SATB1: variants seen among roughly 807,000 people sequenced by gnomAD.
SATB1 encodes DNA-binding protein SATB1.
In SATB1, 11 loss-of-function variants were observed where a neutral mutation model predicts 86.9. The ratio of observed to expected loss-of-function variants is 0.13; its 90% confidence interval spans 0.08 to 0.21. The LOEUF (loss-of-function observed/expected upper bound fraction) is 0.21. Ranked by LOEUF, SATB1 falls within the 10% of genes least tolerant of loss-of-function variation. SATB1 has a pLI of 1.00. For missense variants in SATB1, 551 were observed against 937.6 expected (o/e 0.59, Z 5.39); for synonymous variants, 357 against 357.2 (o/e 1.00, Z 0.01).
intron 9 of SATB1, among the ~76,000 whole-genome samples, chr3:18,365,321 C>T (rs1367400598): frequency 1.3e-5 from 2 of 152,066 alleles, no homozygotes; most frequent in African/African-American, 4.8e-5. Context: ...TGTCTACCTG[C>T]CAGGAGAACA....
chr3:18,426,965 C>T (rs905788737), upstream of SATB1, among the ~76,000 whole-genome samples: 2 of 152,194 alleles, frequency 1.3e-5, no homozygotes, highest in African/African-American at 2.4e-5. The surrounding 1 kb of genome is among the most constrained non-coding windows in gnomAD (Gnocchi z 4.2). Flanking sequence ...ATAGCACCCA[C>T]GTTTCACCCA....
At chr3:18,381,528 C>T (rs184561429) in intron 8 of SATB1, among the ~76,000 whole-genome samples, 13 of 152,162 alleles carry the variant, frequency 8.5e-5, no homozygotes, top group African/African-American at 3.1e-4. Flanking sequence ...ACAGGTTAAA[C>T]AATTTGTTGG....
chr3:18,435,901 A>G (rs1699041763), intron 2 of SATB1, among the ~76,000 whole-genome samples: 1 of 152,218 alleles, frequency 6.6e-6, no homozygotes, highest in African/African-American at 2.4e-5. Flanking sequence ...ATGATAATGT[A>G]ATAGGTCACA....
chr3:18,364,533 T>C (rs554567267), intron 9 of SATB1, among the ~76,000 whole-genome samples: 1 of 152,188 alleles, frequency 6.6e-6, no homozygotes, highest in Non-Finnish European at 1.5e-5. Context: ...GATAATTGAA[T>C]AAAATGTCAA....
chr3:18,402,195 GTTTTA>G (rs1697307273), intron 5 of SATB1, among the ~76,000 whole-genome samples: 1 of 152,002 alleles, frequency 6.6e-6, no homozygotes. Context: ...AAGGAAGATG[GTTTTA>G]TTTTTTTACT....
chr3:18,378,083 G>T, intron 9 of SATB1, 87 bp downstream of exon 9: 1 of 1,168,388 alleles, frequency 8.6e-7, no homozygotes, highest in Non-Finnish European at 1.2e-6. Context: ...CGTGATGCAA[G>T]TTCATACTGA....
rs1482387658 is a variant in SATB1 at position 18,347,354 on chromosome 3, C to G, written c.*1816G>C. ...CCTCATTTTATATTCTGGCATTTTA[C>G]TATGTTTAATGTTGCAAGAATTTTG... On this transcript the variant is annotated 3_prime_UTR_variant, in exon 11 of 11. Coordinates refer to ENST00000338745, the MANE Select transcript of SATB1 (RefSeq NM_002971.6). 2.6e-5 allele frequency: 4 copies of G among 152,072 alleles called. No homozygotes were observed. Among genetic ancestry groups the G allele is most frequent in the Non-Finnish European group, 5.9e-5 (4 of 68,008 alleles). The allele number at this position is 152,072 out of a possible 1,614,324, so 9.4% of individuals were successfully genotyped here.
In SATB1 at chr3:18,423,712, G is replaced by A. The variant is rs1698503211; in HGVS notation, c.-110C>T. ...GGTTCTTGAAGAGAAGTTCAAGACT[G>A]ATGTTTTCTATGTCCTTTTTTTTTT... On this transcript the variant is annotated 5_prime_UTR_variant, in exon 1 of 11. Coordinates refer to ENST00000338745, the MANE Select transcript of SATB1 (RefSeq NM_002971.6). 1 of 146,132 alleles carries A rather than the reference G, an allele frequency of 6.8e-6. No individual in the cohort carries two copies. Among genetic ancestry groups the A allele is most frequent in the Non-Finnish European group, 1.5e-5 (1 of 67,006 alleles). The allele number at this position is 146,132 out of a possible 1,614,324, so 9.1% of individuals were successfully genotyped here.
intron 10 of SATB1, chr3:18,351,493 G>C: frequency 9.6e-7 from 1 of 1,038,756 alleles, no homozygotes; most frequent in Non-Finnish European, 1.4e-6. Context: ...ACAAGGTGAA[G>C]GAAGGGCCAA....
At chr3:18,411,398 G>A (rs531358636) in intron 5 of SATB1, among the ~76,000 whole-genome samples, 119 of 152,120 alleles carry the variant, frequency 7.8e-4, no homozygotes, top group Middle Eastern at 3.4e-3. Context: ...AAGACATTAC[G>A]CTGGTAGAAG....
upstream of SATB1, among the ~76,000 whole-genome samples, chr3:18,429,711 TG>T (rs1698826653): frequency 6.6e-6 from 1 of 152,220 alleles, no homozygotes; most frequent in Admixed American, 6.5e-5. This position sits in a 1 kb window ranked among gnomAD's most constrained non-coding sequence, Gnocchi z 4.1. Flanking sequence ...CAAGAAGTTC[TG>T]GCCCCCATTA....
chr3:18,351,868 ATTG>A, intron 10 of SATB1, 121 bp downstream of exon 10: 1 of 844,420 alleles, frequency 1.2e-6, no homozygotes. Context: ...ATGGCAGTGT[ATTG>A]TTATCTCTTG....
intron 5 of SATB1, 51 bp from the exon 6 acceptor site, chr3:18,397,341 G>T: frequency 9.9e-7 from 1 of 1,014,042 alleles, no homozygotes; most frequent in Non-Finnish European, 1.6e-6. Flanking sequence ...GCACAAGATG[G>T]AACACAGAAA....
chr3:18,419,622 G>A (rs1457518036), intron 2 of SATB1, among the ~76,000 whole-genome samples: 1 of 152,122 alleles, frequency 6.6e-6, no homozygotes, highest in Non-Finnish European at 1.5e-5. Context: ...GTGCTTCACA[G>A]TACAATATTA....
intron 6 of SATB1, among the ~76,000 whole-genome samples, chr3:18,395,582 G>C (rs995380781): frequency 2.0e-5 from 3 of 152,234 alleles, no homozygotes; most frequent in Non-Finnish European, 4.4e-5. Context: ...AGGTATATCT[G>C]GAAATACTTT....
At chr3:18,382,264 A>G (rs1415369648) in intron 8 of SATB1, among the ~76,000 whole-genome samples, 1 of 152,184 alleles carries the variant, frequency 6.6e-6, no homozygotes, top group Non-Finnish European at 1.5e-5. Flanking sequence ...AGAGATGTAA[A>G]AAATGAAGAA....
In SATB1 at chr3:18,394,756, G is replaced by T. The variant is rs1354195007; in HGVS notation, c.912C>A (p.His304Gln). The T allele has an allele frequency of 6.2e-7, 1 of 1,614,134 alleles. No individual in the cohort carries two copies. Among genetic ancestry groups the T allele is most frequent in the East Asian group, 2.2e-5 (1 of 44,876 alleles). The change falls in exon 7 of 11, where the codon CAC becomes CAA. Residue 304 changes from histidine to glutamine, a missense_variant. Physicochemically the swap from His to Gln is conservative, Grantham distance 24. This residue lies in a region of SATB1 where 119 missense variants were observed against 171.1 expected (regional missense o/e 0.70). Transcript: ENST00000338745. The surrounding 1 kb of genome is among the most constrained non-coding windows in gnomAD (Gnocchi z 5.9). ...TGATAGGTGTTGATACGAGCCCAGG[G>T]TGCAGGTTTGGAAGAGGTGTCCGGA... ...PSVRTPLPNL[H>Q]PGLVSTPISP...
intron 10 of SATB1, chr3:18,351,327 C>G: frequency 2.6e-6 from 4 of 1,547,342 alleles, no homozygotes; most frequent in Non-Finnish European, 3.5e-6. Context: ...GGAGCAGCAC[C>G]GAGCCATGGT....
At chr3:18,400,252 T>A (rs1287359078) in intron 5 of SATB1, among the ~76,000 whole-genome samples, 2 of 152,156 alleles carry the variant, frequency 1.3e-5, no homozygotes, top group Non-Finnish European at 2.9e-5. Context: ...TTAAAAAGAT[T>A]GCACTAAGCT....
Sources: allele counts gnomAD v4.1 joint callset (sites outside exome capture counted in the v4.1 genomes callset), GRCh38; gene constraint gnomAD v4.1.1; regional missense constraint gnomAD v4.1.1; non-coding constraint Gnocchi (gnomAD v3.1); transcripts MANE v1.5; gene names NCBI Gene and HGNC (gene_info 2026-07-23, HGNC 2026-07-21).